KHDRBS3: variants seen among roughly 807,000 people sequenced by gnomAD.
The protein encoded by KHDRBS3 is KH domain-containing, RNA-binding, signal transduction-associated protein 3.
A neutral mutation model predicts 45.6 loss-of-function variants in KHDRBS3; 23 were observed. The ratio of observed to expected loss-of-function variants is 0.50; its 90% confidence interval spans 0.36 to 0.72. KHDRBS3 has a LOEUF of 0.72. KHDRBS3 is among the 30% of genes least tolerant of loss of function. The pLI is 0.00. For missense variants in KHDRBS3, 352 were observed against 424.8 expected, an observed-to-expected ratio of 0.83 and a Z score of 1.51; for synonymous variants, 162 against 156.5, an observed-to-expected ratio of 1.04 and a Z score of -0.26.
chr8:135,585,059 C>A (rs1485437132), intron 6 of KHDRBS3, among the ~76,000 whole-genome samples: 5 of 145,400 alleles, frequency 3.4e-5, no homozygotes, highest in African/African-American at 2.6e-5. Flanking sequence ...TCATCTCTAC[C>A]AAAAAAAAAA....
intron 2 of KHDRBS3, among the ~76,000 whole-genome samples, chr8:135,537,363 G>A (rs1825833704): frequency 6.6e-6 from 1 of 152,168 alleles, no homozygotes; most frequent in South Asian, 2.1e-4. Context: ...TTGAGATTTA[G>A]TTGTTTATGA....
chr8:135,580,760 A>T (rs751876222), intron 5 of KHDRBS3, among the ~76,000 whole-genome samples: 2 of 151,928 alleles, frequency 1.3e-5, no homozygotes, highest in Non-Finnish European at 2.9e-5. Flanking sequence ...CTATAGGCAC[A>T]CACCACCGTG....
intron 1 of KHDRBS3, 150 bp downstream of exon 1, chr8:135,458,104 C>T: frequency 1.4e-6 from 2 of 1,390,498 alleles, no homozygotes; most frequent in Non-Finnish European, 1.9e-6. Flanking sequence ...TGCACGGGGA[C>T]CTGGGAGGCT....
Position 135,628,049 on chromosome 8 carries a change from G to A in KHDRBS3, c.891-17010G>A, listed in dbSNP as rs368050998. On this transcript the variant is annotated intron_variant, in intron 7 of 8. Coordinates refer to ENST00000355849, the MANE Select transcript of KHDRBS3 (RefSeq NM_006558.3). Reference sequence around the variant, plus strand: ...TTCTTATTACTAAGCCAGAATGAATGCTGTTGTTCTGCTTGGAATGATTTT... The same window carrying A: ...TTCTTATTACTAAGCCAGAATGAATACTGTTGTTCTGCTTGGAATGATTTT... Among the ~76,000 whole-genome samples the A allele has an allele frequency of 9.2e-5, 14 of 152,222 alleles. No homozygotes were observed. In the East Asian group the frequency reaches 1.4e-3, roughly 15 times the overall value.
downstream of KHDRBS3, among the ~76,000 whole-genome samples, chr8:135,651,889 G>A (rs944802805): frequency 5.9e-5 from 9 of 152,120 alleles, no homozygotes; most frequent in Admixed American, 2.0e-4. Context: ...TCATGTTAAC[G>A]ATACTATAAT....
chr8:135,577,585 T>G (rs1828004619), intron 5 of KHDRBS3, among the ~76,000 whole-genome samples: 1 of 152,174 alleles, frequency 6.6e-6, no homozygotes, highest in Admixed American at 6.5e-5. Flanking sequence ...TTGTGGATTG[T>G]TAGCTCATTT....
At chr8:135,530,159 T>G (rs1825400707) in intron 2 of KHDRBS3, among the ~76,000 whole-genome samples, 2 of 152,134 alleles carry the variant, frequency 1.3e-5, no homozygotes, top group Non-Finnish European at 2.9e-5. Flanking sequence ...AGAGGATATA[T>G]CTCTATGTCT....
intron 7 of KHDRBS3, among the ~76,000 whole-genome samples, chr8:135,638,048 A>C (rs568449813): frequency 6.6e-6 from 1 of 152,198 alleles, no homozygotes; most frequent in African/African-American, 2.4e-5. Flanking sequence ...TCTGAAAAAA[A>C]CAAAACCACA....
At chr8:135,531,175 TG>T (rs1469636732) in intron 2 of KHDRBS3, among the ~76,000 whole-genome samples, 3 of 152,218 alleles carry the variant, frequency 2.0e-5, no homozygotes, top group South Asian at 4.1e-4. Flanking sequence ...TGCATGTCTA[TG>T]TTTTTTTTGC....
chr8:135,626,194 A>T (rs1468136810), intron 7 of KHDRBS3, among the ~76,000 whole-genome samples: 1 of 152,252 alleles, frequency 6.6e-6, no homozygotes, highest in Non-Finnish European at 1.5e-5. Flanking sequence ...CAACAGTCCT[A>T]TGAAAGATTT....
intron 1 of KHDRBS3, among the ~76,000 whole-genome samples, chr8:135,512,569 T>G (rs1314719785): frequency 6.6e-6 from 1 of 152,222 alleles, no homozygotes; most frequent in East Asian, 1.9e-4. Flanking sequence ...AGTTACAGTT[T>G]TTAGAAGAGC....
intron 7 of KHDRBS3, among the ~76,000 whole-genome samples, chr8:135,640,937 T>C (rs535482683): frequency 6.6e-6 from 1 of 152,296 alleles, no homozygotes; most frequent in African/African-American, 2.4e-5. Flanking sequence ...AGAAACGAAA[T>C]GCTGTGAAAG....
intron 1 of KHDRBS3, among the ~76,000 whole-genome samples, chr8:135,493,924 T>G (rs1823283532): frequency 6.6e-6 from 1 of 152,152 alleles, no homozygotes; most frequent in South Asian, 2.1e-4. Flanking sequence ...AAACTATGAA[T>G]TTAGTTTCTC....
chr8:135,495,845 C>T (rs574820421), intron 1 of KHDRBS3, among the ~76,000 whole-genome samples: 2 of 152,132 alleles, frequency 1.3e-5, no homozygotes, highest in African/African-American at 2.4e-5. Flanking sequence ...CGATCTTGGC[C>T]TCTCTGGAGG....
intron 1 of KHDRBS3, 123 bp from the exon 2 acceptor site, chr8:135,521,114 G>C (rs1824881566): frequency 3.1e-6 from 2 of 636,568 alleles, no homozygotes; most frequent in Non-Finnish European, 5.7e-6. Context: ...GAAAACATTT[G>C]CCTCAATTTA....
rs182842788 is a variant in KHDRBS3, at chr8:135,576,338, A to G, written c.612-5540A>G. Among the ~76,000 whole-genome samples the G allele has an allele frequency of 7.2e-5, 11 of 152,312 alleles. No individual in the cohort carries two copies. The East Asian group carries it at 1.5e-3, about 21-fold the overall frequency. On this transcript the variant is annotated intron_variant, in intron 5 of 8. Coordinates refer to ENST00000355849, the MANE Select transcript of KHDRBS3 (RefSeq NM_006558.3). ...TGGGGAATTACAGTTCACTTCCCCTAGGTGGAATATCTACAAAAATTATCT... is the reference window on the plus strand; with the variant it reads ...TGGGGAATTACAGTTCACTTCCCCTGGGTGGAATATCTACAAAAATTATCT...
intron 7 of KHDRBS3, among the ~76,000 whole-genome samples, chr8:135,632,153 C>A (rs1830631209): frequency 6.6e-6 from 1 of 152,240 alleles, no homozygotes; most frequent in Non-Finnish European, 1.5e-5. Context: ...TCTTCTTCTA[C>A]TTTCTCTTGA....
At chr8:135,559,478 G>A (rs1403778770) in intron 5 of KHDRBS3, among the ~76,000 whole-genome samples, 4 of 151,970 alleles carry the variant, frequency 2.6e-5, no homozygotes, top group African/African-American at 4.8e-5. Context: ...TCAGCCTCCC[G>A]AGTAGCTGGG....
At chr8:135,460,316 G>C (rs1424013997) in intron 1 of KHDRBS3, among the ~76,000 whole-genome samples, 4 of 152,204 alleles carry the variant, frequency 2.6e-5, no homozygotes, top group African/African-American at 9.6e-5. Context: ...ATGTTTTATG[G>C]TATCTCTAAA....
Sources: gnomAD v4.1 joint callset for allele counts (sites outside exome capture counted in the v4.1 genomes callset) on GRCh38, gnomAD v4.1.1 for gene constraint, MANE v1.5 for transcripts, NCBI Gene and HGNC (gene_info 2026-07-23, HGNC 2026-07-21) for gene names.